CSMD3: variants seen among roughly 807,000 people sequenced by gnomAD.
CSMD3 encodes the protein CUB and Sushi multiple domains 3.
In CSMD3, 177 loss-of-function variants were observed where a neutral mutation model predicts 435.2. The ratio of observed to expected loss-of-function variants is 0.41; its 90% CI spans 0.36 to 0.46. The LOEUF (loss-of-function observed/expected upper bound fraction) is 0.46, where lower values mean the gene tolerates loss of function less well. CSMD3 is among the 20% of genes least tolerant of loss of function. The pLI is 0.34. For missense variants in CSMD3, 4,265 were observed against 4,504.6 expected, an observed-to-expected ratio of 0.95 and a Z score of 1.52; for synonymous variants, 1,656 against 1,520.5, an observed-to-expected ratio of 1.09 and a Z score of -2.07.
At chr8:112,819,714 C>A (rs899573796) in intron 12 of CSMD3, among the ~76,000 whole-genome samples, 15 of 152,048 alleles carry the variant, frequency 9.9e-5, no homozygotes, top group Middle Eastern at 3.2e-3. Flanking sequence ...GAATACAGAA[C>A]AAAACTAGAA....
intron 4 of CSMD3, among the ~76,000 whole-genome samples, chr8:113,169,436 C>A (rs189155727): frequency 1.6e-3 from 238 of 152,154 alleles, no homozygotes; most frequent in Middle Eastern, 0.014. Flanking sequence ...GCATCACATC[C>A]CCTTATTGAT....
chr8:112,793,416 A>G lies in CSMD3; in HGVS notation c.1972+6746T>C, dbSNP rs568575785. On this transcript the variant is annotated intron_variant, in intron 13 of 70. Transcript: ENST00000297405. ...TTTTTCTTGGGCCCATCTGCACTGT[A>G]TTTCCATGTTAACATATTTTTAAAA... Among the ~76,000 whole-genome samples the G allele has an allele frequency of 2.6e-5, 4 of 151,828 alleles. No individual in the cohort carries two copies. In the South Asian group the frequency reaches 8.3e-4, roughly 32 times the overall value.
intron 3 of CSMD3, among the ~76,000 whole-genome samples, chr8:113,201,685 C>A (rs1025240376): frequency 3.9e-5 from 6 of 151,930 alleles, no homozygotes; most frequent in Non-Finnish European, 1.5e-5. Context: ...GAGCATTGTG[C>A]AGAGACAGCA....
In CSMD3 at chr8:113,253,708, T is replaced by C. The variant is rs991777089; in HGVS notation, c.514+24884A>G. 6.6e-5 allele frequency among the ~76,000 whole-genome samples: 10 copies of C among 151,968 alleles called. No homozygotes were observed. In the East Asian group the frequency reaches 1.2e-3, roughly 18 times the overall value. ...CACAAAAATTAGCTGGGCATGGTGA[T>C]GTGTGCTGTAAGCCCAGCTACTTGG... On this transcript the variant is annotated intron_variant, in intron 3 of 70. Transcript: ENST00000297405.
chr8:112,973,936 T>C (rs1315911120), intron 7 of CSMD3, among the ~76,000 whole-genome samples: 2 of 151,928 alleles, frequency 1.3e-5, no homozygotes, highest in South Asian at 2.1e-4. Flanking sequence ...TTCCATATAA[T>C]GTTTTACATC....
intron 32 of CSMD3, among the ~76,000 whole-genome samples, chr8:112,435,225 T>C (rs1267427398): frequency 5.3e-5 from 8 of 152,122 alleles, no homozygotes; most frequent in Non-Finnish European, 8.8e-5. Flanking sequence ...AATACCTTTT[T>C]GTGCGGGTAG....
rs1182877296 is a variant in CSMD3, at chr8:112,797,204, G to A, written c.1972+2958C>T. ...TTCCTCTCTCAATAGTACAGTCTTAGAACAGTCATTTTCAAACTATATGTT... is the reference window on the plus strand; with the variant it reads ...TTCCTCTCTCAATAGTACAGTCTTAAAACAGTCATTTTCAAACTATATGTT... On this transcript the variant is annotated intron_variant, in intron 13 of 70. Transcript: ENST00000297405. Among the ~76,000 whole-genome samples the A allele has an allele frequency of 2.0e-5, 3 of 151,772 alleles. No homozygotes were observed. The East Asian group carries it at 5.8e-4, about 29-fold the overall frequency.
At chr8:112,437,521 A>G (rs1814497584) in intron 32 of CSMD3, among the ~76,000 whole-genome samples, 2 of 152,122 alleles carry the variant, frequency 1.3e-5, no homozygotes, top group Non-Finnish European at 1.5e-5. Context: ...ATGTCAATAA[A>G]GCATGGGAAT....
At chr8:112,623,781 A>G (rs956442333) in intron 22 of CSMD3, among the ~76,000 whole-genome samples, 6 of 151,872 alleles carry the variant, frequency 4.0e-5, no homozygotes, top group African/African-American at 7.3e-5. Context: ...TATCAAATCC[A>G]TCATTTGTCT....
chr8:112,846,993 T>C (rs1454658570), intron 11 of CSMD3, among the ~76,000 whole-genome samples: 1 of 152,044 alleles, frequency 6.6e-6, no homozygotes. Flanking sequence ...TTGGGGAACC[T>C]TGTAGTTGGT....
chr8:112,260,921 G>A (rs1816327156), intron 61 of CSMD3, among the ~76,000 whole-genome samples: 2 of 151,868 alleles, frequency 1.3e-5, no homozygotes, highest in African/African-American at 4.8e-5. Context: ...ATATATCTAT[G>A]GAATAAAACT....
intron 32 of CSMD3, among the ~76,000 whole-genome samples, chr8:112,440,168 T>C (rs1290155558): frequency 6.6e-6 from 1 of 152,182 alleles, no homozygotes; most frequent in African/African-American, 2.4e-5. Flanking sequence ...TACAGGCATT[T>C]AGTAAATGTA....
chr8:113,332,438 G>T (rs576169077), intron 1 of CSMD3, among the ~76,000 whole-genome samples: 21 of 151,620 alleles, frequency 1.4e-4, no homozygotes, highest in African/African-American at 4.8e-4. Context: ...CAGCAAGGTT[G>T]CAAGCTAAAT....
At chr8:113,099,186 G>T (rs1454529198) in intron 4 of CSMD3, among the ~76,000 whole-genome samples, 1 of 151,928 alleles carries the variant, frequency 6.6e-6, no homozygotes, top group Non-Finnish European at 1.5e-5. Flanking sequence ...ATAACAATTA[G>T]TTGAAATAGC....
chr8:112,240,279 G>A (rs1242789541), intron 66 of CSMD3, among the ~76,000 whole-genome samples: 4 of 151,932 alleles, frequency 2.6e-5, no homozygotes, highest in Admixed American at 1.3e-4. Flanking sequence ...TAATATATGA[G>A]CAATTTTTTT....
chr8:112,395,841 T>G (rs1041123096), intron 35 of CSMD3, among the ~76,000 whole-genome samples: 10 of 152,160 alleles, frequency 6.6e-5, no homozygotes, highest in African/African-American at 2.4e-4. Context: ...AAAAACTCAG[T>G]CTTCAGCATA....
At chr8:112,387,002 C>T (rs867641424) in intron 36 of CSMD3, among the ~76,000 whole-genome samples, 1 of 152,058 alleles carries the variant, frequency 6.6e-6, no homozygotes, top group Non-Finnish European at 1.5e-5. Context: ...TAAATTGATA[C>T]AATAATGTAG....
intron 32 of CSMD3, among the ~76,000 whole-genome samples, chr8:112,441,232 G>T (rs1395480306): frequency 1.3e-5 from 2 of 152,232 alleles, no homozygotes; most frequent in South Asian, 4.1e-4. Flanking sequence ...AGCATAGCAA[G>T]AGTCACCTTT....
intron 13 of CSMD3, among the ~76,000 whole-genome samples, chr8:112,775,603 G>A (rs1351956333): frequency 6.6e-6 from 1 of 151,724 alleles, no homozygotes; most frequent in African/African-American, 2.4e-5. Flanking sequence ...TTACAAGCAG[G>A]CAAAATAAAT....
Sources: gnomAD v4.1 joint callset for allele counts (sites outside exome capture counted in the v4.1 genomes callset) on GRCh38, gnomAD v4.1.1 for gene constraint, MANE v1.5 for transcripts, NCBI Gene and HGNC (gene_info 2026-07-23, HGNC 2026-07-21) for gene names.